Variants in PRKACA observed in about 807,000 individuals in gnomAD.
PRKACA encodes cAMP-dependent protein kinase catalytic subunit alpha.
PRKACA carries 9 observed loss-of-function variants against 45.8 expected under a neutral mutation model. The ratio of observed to expected loss-of-function variants is 0.20; its 90% confidence interval spans 0.12 to 0.34. PRKACA has a LOEUF of 0.34. PRKACA is among the 10% of genes least tolerant of loss of function. The pLI is 1.00. For synonymous variants in PRKACA, 160 were observed against 178.6 expected (o/e 0.90, Z 0.83); for missense variants, 238 against 458.6 (o/e 0.52, Z 4.39).
intron 1 of PRKACA, chr19:14,115,022 C>A: frequency 3.1e-6 from 3 of 967,304 alleles, no homozygotes; most frequent in African/African-American, 1.8e-5. Context: ...TCTAAGAGGG[C>A]AAATTTTGTC....
At chr19:14,108,101 C>G (rs556657823) in intron 1 of PRKACA, 373 of 985,512 alleles carry the variant, frequency 3.8e-4, no homozygotes, top group Non-Finnish European at 4.3e-4. Context: ...ACTTAACAAC[C>G]CAGGAAACAG....
At position 14,100,921 on chromosome 19, in the gene PRKACA, G is replaced by T; in HGVS notation, c.337-13C>A. The stretch of plus-strand genomic sequence containing the variant: ...AGTTTGAGTTGTCCTGTGGGAAGCA[G>T]TGGCTGGTCAAGGGCCCACCCCTGA... On this transcript the variant is annotated splice_polypyrimidine_tract_variant and intron_variant, in intron 4 of 9. Transcript: ENST00000308677. 1 of 1,613,456 alleles carries T rather than the reference G, an allele frequency of 6.2e-7. No homozygotes were observed. The highest frequency in any genetic ancestry group is 1.3e-5 in the African/African-American group (1 of 75,068).
At chr19:14,105,945 C>T (rs1319890019) in intron 3 of PRKACA, among the ~76,000 whole-genome samples, 4 of 152,134 alleles carry the variant, frequency 2.6e-5, no homozygotes, top group Non-Finnish European at 5.9e-5. Flanking sequence ...GGTGTCTGAC[C>T]CTGTGTCACA....
At chr19:14,100,743 T>A in intron 5 of PRKACA, 83 bp downstream of exon 5, 1 of 1,387,462 alleles carries the variant, frequency 7.2e-7, no homozygotes, top group Non-Finnish European at 1.0e-6. Context: ...GCTGGACTCC[T>A]CTGCATTCCC....
chr19:14,107,862 C>T (rs1977659889), intron 1 of PRKACA: 1 of 992,604 alleles, frequency 1.0e-6, no homozygotes, highest in Non-Finnish European at 1.2e-6. Flanking sequence ...CAGCTGTCAC[C>T]TTGGCCCCCA....
intron 8 of PRKACA, among the ~76,000 whole-genome samples, chr19:14,096,026 T>G (rs1977239832): frequency 6.7e-6 from 1 of 149,594 alleles, no homozygotes; most frequent in South Asian, 2.1e-4. Context: ...GCCCAGCTAA[T>G]TTTTAGTTTT....
Position 14,092,588 on chromosome 19 carries a change from C to A in PRKACA, c.*524G>T. 4 of 398,578 alleles carry A rather than the reference C, an allele frequency of 1.0e-5. No homozygotes were observed. Among genetic ancestry groups the A allele is most frequent in the Non-Finnish European group, 1.8e-5 (4 of 226,050 alleles). 24.7% of individuals were successfully genotyped at this position (398,578 alleles called of 1,614,324 possible). ...AAATTGTTGTTTTTTTAAAAAAATT[C>A]TAGCAAGCAACCCACTGAACATGTC... On this transcript the variant is annotated 3_prime_UTR_variant, in exon 10 of 10. Transcript: ENST00000308677.
In PRKACA at chr19:14,093,041, A is replaced by AGGGGGGG; in HGVS notation, c.*70_*71insCCCCCCC. ...CTGGGGCCCTCTGGCTGTTCAATCC[A>AGGGGGGG]ACCCTCCCACCCCCCCGACCAAAAA... On this transcript the variant is annotated 3_prime_UTR_variant, in exon 10 of 10. Transcript: ENST00000308677. 6 of 500,006 alleles carry AGGGGGGG rather than the reference A, an allele frequency of 1.2e-5. No homozygotes were observed. The highest frequency in any genetic ancestry group is 2.2e-5 in the Non-Finnish European group (6 of 278,300). 31.0% of individuals were successfully genotyped at this position (500,006 alleles called of 1,614,324 possible). A position where few individuals can be genotyped will look rare whatever the true frequency, so the allele number is the denominator to read the frequency against.
intron 1 of PRKACA, among the ~76,000 whole-genome samples, chr19:14,116,526 C>G (rs1242948956): frequency 1.3e-5 from 2 of 152,094 alleles, no homozygotes; most frequent in Non-Finnish European, 2.9e-5. Flanking sequence ...CTTTTCATCC[C>G]AAGCCAGGAG....
chr19:14,106,716 AAAGGCCTGACAGGCAGGCCCTGAGCG>A lies in PRKACA; in HGVS notation c.237+18_237+43del. ...TCTAAGGAGTGGGCACAGTCCAGGCAAAGGCCTGACAGGCAGGCCCTGAGCGAGGACAGGCCACCTCACCTTCTGTT... is the reference window on the plus strand; with the variant it reads ...TCTAAGGAGTGGGCACAGTCCAGGCAAGGACAGGCCACCTCACCTTCTGTT... On this transcript the variant is annotated intron_variant, in intron 3 of 9. Transcript: ENST00000308677. 6.2e-7 allele frequency: 1 copy of A among 1,612,542 alleles called. No homozygotes were observed. The highest frequency in any genetic ancestry group is 1.1e-5 in the South Asian group (1 of 90,954).
At chr19:14,105,955 AG>A (rs1977591750) in intron 3 of PRKACA, among the ~76,000 whole-genome samples, 1 of 152,164 alleles carries the variant, frequency 6.6e-6, no homozygotes, top group African/African-American at 2.4e-5. Flanking sequence ...CCTGTGTCAC[AG>A]TGCCTGGCTT....
chr19:14,107,931 G>A, intron 1 of PRKACA: 1 of 987,216 alleles, frequency 1.0e-6, no homozygotes, highest in East Asian at 1.1e-4. Context: ...CTGGTTCAAG[G>A]GAAGTCTCGC....
chr19:14,096,992 C>A, intron 8 of PRKACA: 1 of 351,714 alleles, frequency 2.8e-6, no homozygotes, highest in Non-Finnish European at 5.6e-6. Context: ...ATGGACAGCA[C>A]CTGGGAACAG....
At chr19:14,093,297 A>C in intron 9 of PRKACA, 60 bp from the exon 10 acceptor site, 1 of 1,571,880 alleles carries the variant, frequency 6.4e-7, no homozygotes, top group Non-Finnish European at 8.7e-7. Context: ...TATTACAACA[A>C]TAAATGCGAA....
chr19:14,099,015 G>A (rs888814275), intron 5 of PRKACA, among the ~76,000 whole-genome samples: 10 of 152,072 alleles, frequency 6.6e-5, no homozygotes, highest in African/African-American at 1.9e-4. Context: ...AGGCCAGCGC[G>A]GTGGCCCATG....
chr19:14,100,757 G>T, intron 5 of PRKACA, 69 bp downstream of exon 5: 1 of 1,478,066 alleles, frequency 6.8e-7, no homozygotes, highest in Non-Finnish European at 9.5e-7. Flanking sequence ...CATTCCCAGG[G>T]GGCTTGGTCG....
In PRKACA at chr19:14,097,787, T is replaced by C. The variant is rs1462309155; in HGVS notation, c.523A>G (p.Ile175Val). 1 of 1,614,126 alleles carries C rather than the reference T, an allele frequency of 6.2e-7. No homozygotes were observed. ...ACCTGAATGTAGCCCTGCTGGTCAA[T>C]GAGCAGATTCTCCGGCTTCAGGTCC... is the stretch of plus-strand genomic sequence containing the variant. Reference protein sequence around the residue: ...YRDLKPENLLIDQQGYIQVTD... With the variant: ...YRDLKPENLLVDQQGYIQVTD... The change falls in exon 6 of 10, where the codon ATT (isoleucine) becomes GTT (valine). Residue 175 changes from isoleucine to valine, a missense_variant. This residue lies in a region of PRKACA where 94 missense variants were observed against 240.9 expected (regional missense o/e 0.39). Transcript: ENST00000308677. The surrounding 1 kb of genome is among the most constrained non-coding windows in gnomAD (Gnocchi z 5.4).
chr19:14,099,407 C>G (rs1225008565), intron 5 of PRKACA, among the ~76,000 whole-genome samples: 4 of 150,334 alleles, frequency 2.7e-5, no homozygotes, highest in Non-Finnish European at 5.9e-5. Context: ...ACAACCCAGT[C>G]TGGACTGCAG....
chr19:14,107,540 C>A, intron 1 of PRKACA, 131 bp from the exon 2 acceptor site: 1 of 1,303,552 alleles, frequency 7.7e-7, no homozygotes, highest in Non-Finnish European at 1.1e-6. Context: ...TTTTCTGGTG[C>A]CTCTGGGGCC....
Sources: gnomAD v4.1 joint callset for allele counts (sites outside exome capture counted in the v4.1 genomes callset) on GRCh38, gnomAD v4.1.1 for gene constraint, gnomAD v4.1.1 regional missense constraint, Gnocchi (gnomAD v3.1) non-coding constraint, MANE v1.5 for transcripts, NCBI Gene and HGNC (gene_info 2026-07-23, HGNC 2026-07-21) for gene names.